The following UNC5C variants were observed in gnomAD, a reference collection of about 807,000 sequenced individuals.
The protein encoded by UNC5C is unc-5 netrin receptor C, also known as netrin receptor UNC5C.
UNC5C carries 47 observed loss-of-function variants against 99.8 expected under a neutral mutation model. The observed-to-expected ratio is 0.47, with a 90% CI of 0.37 to 0.60. The LOEUF is 0.60. Among genes scored for constraint, UNC5C ranks in the 20% least tolerant of loss-of-function variants. The pLI, the probability that UNC5C is intolerant of heterozygous loss-of-function variation, is 0.00. For synonymous variants in UNC5C, 487 were observed against 452.2 expected, an observed-to-expected ratio of 1.08 and a Z score of -0.98; for missense variants, 1,062 against 1,165.9, an observed-to-expected ratio of 0.91 and a Z score of 1.30.
chr4:95,354,479 A>ATATATATATTTTTTTTTTT lies in UNC5C; in HGVS notation c.125-18849_125-18848insAAAAAAAAAAATATATATA. ...TTACCTAACTCTTCCATATATATAT[A>ATATATATATTTTTTTTTTT]TTTTTTTTTTTTTTTTAAGAGACAG... On this transcript the variant is annotated intron_variant, in intron 1 of 15. Coordinates refer to ENST00000453304, the MANE Select transcript of UNC5C (RefSeq NM_003728.4). 3.7e-4 allele frequency among the ~76,000 whole-genome samples: 41 copies of ATATATATATTTTTTTTTTT among 110,332 alleles called. 1 individual carries two copies. Among genetic ancestry groups the ATATATATATTTTTTTTTTT allele is most frequent in the African/African-American group, 1.6e-3 (39 of 24,730 alleles). The allele number at this position is 110,332 out of a possible 152,430, so 72.4% of individuals were successfully genotyped here.
chr4:95,503,234 T>A (rs1167508049), intron 1 of UNC5C, among the ~76,000 whole-genome samples: 3 of 152,068 alleles, frequency 2.0e-5, no homozygotes, highest in Admixed American at 6.6e-5. Flanking sequence ...TTCTCTCTCA[T>A]GTCCTTTCTC....
chr4:95,215,558 A>T (rs1441189598), intron 10 of UNC5C, among the ~76,000 whole-genome samples: 3 of 152,010 alleles, frequency 2.0e-5, no homozygotes, highest in Admixed American at 6.6e-5. Context: ...CTTTTAATTC[A>T]ATCTAGTTTT....
intron 1 of UNC5C, among the ~76,000 whole-genome samples, chr4:95,350,279 A>C (rs1009029561): frequency 4.6e-5 from 7 of 152,036 alleles, no homozygotes; most frequent in African/African-American, 1.7e-4. Context: ...TGAAGTCAAG[A>C]GATCAAAACC....
In UNC5C at chr4:95,166,231, T is replaced by A. The variant is rs1735852556; in HGVS notation, c.*3003A>T. 1 of 152,236 alleles carries A rather than the reference T, an allele frequency of 6.6e-6. No individual in the cohort carries two copies. The highest frequency in any genetic ancestry group is 2.1e-4 in the South Asian group (1 of 4,836). 9.4% of individuals were successfully genotyped at this position (152,236 alleles called of 1,614,324 possible). A position where few individuals can be genotyped will look rare whatever the true frequency, so the allele number is the denominator to read the frequency against. On this transcript the variant is annotated 3_prime_UTR_variant, in exon 16 of 16. Transcript: ENST00000453304. ...GTATCACATAGAATGGTTGATGAAG[T>A]GGCTTCCTATGAAATGAACTGTTAT...
chr4:95,507,509 A>AAAT (rs1389716743), intron 1 of UNC5C, among the ~76,000 whole-genome samples: 1 of 151,876 alleles, frequency 6.6e-6, no homozygotes, highest in Non-Finnish European at 1.5e-5. Flanking sequence ...TTTCCTTTTT[A>AAAT]AAATATTAGT....
chr4:95,448,517 T>C (rs551985857), intron 1 of UNC5C, among the ~76,000 whole-genome samples: 19 of 152,122 alleles, frequency 1.2e-4, no homozygotes, highest in Non-Finnish European at 2.8e-4. Context: ...TGATGGCACA[T>C]AATGGATCGA....
chr4:95,192,743 C>T (rs1427948239), intron 12 of UNC5C, among the ~76,000 whole-genome samples: 2 of 152,058 alleles, frequency 1.3e-5, no homozygotes, highest in East Asian at 3.9e-4. Context: ...TCACCTCTTC[C>T]TCTGCTCACC....
intron 2 of UNC5C, among the ~76,000 whole-genome samples, chr4:95,328,088 A>C (rs1295278169): frequency 1.2e-5 from 1 of 84,388 alleles, no homozygotes; most frequent in Non-Finnish European, 2.4e-5. Context: ...ATTATACTTT[A>C]AGTTTTAGGG....
In UNC5C at chr4:95,377,530, C is replaced by T. The variant is rs529936362; in HGVS notation, c.125-41899G>A. 7.2e-5 allele frequency among the ~76,000 whole-genome samples: 11 copies of T among 152,320 alleles called. No individual in the cohort carries two copies. The South Asian group carries it at 2.3e-3, about 32-fold the overall frequency. On this transcript the variant is annotated intron_variant, in intron 1 of 15. Transcript: ENST00000453304. ...TGATCTTTTCTGAGACTGCTAATCC[C>T]ACCTTCTCCTAGCCTATTTTGCTGA...
At chr4:95,547,536 A>C (rs1417728839) in intron 1 of UNC5C, among the ~76,000 whole-genome samples, 1 of 152,180 alleles carries the variant, frequency 6.6e-6, no homozygotes, top group Admixed American at 6.5e-5. Context: ...CCGAGAGTGA[A>C]GGGAGAATCC....
chr4:95,460,773 C>G (rs1163001459), intron 1 of UNC5C, among the ~76,000 whole-genome samples: 1 of 152,182 alleles, frequency 6.6e-6, no homozygotes, highest in Non-Finnish European at 1.5e-5. Flanking sequence ...TTAATTATGT[C>G]TACAAAATCC....
At chr4:95,349,621 C>A (rs954544643) in intron 1 of UNC5C, among the ~76,000 whole-genome samples, 1 of 151,642 alleles carries the variant, frequency 6.6e-6, no homozygotes, top group Non-Finnish European at 1.5e-5. Flanking sequence ...CCACATGCAA[C>A]CTATTACTTC....
At chr4:95,456,614 C>T (rs1747434022) in intron 1 of UNC5C, among the ~76,000 whole-genome samples, 1 of 151,938 alleles carries the variant, frequency 6.6e-6, no homozygotes, top group Admixed American at 6.6e-5. Context: ...TGAAGCCAGA[C>T]ATATTAAGGA....
intron 1 of UNC5C, among the ~76,000 whole-genome samples, chr4:95,546,389 C>A (rs1723068838): frequency 6.6e-6 from 1 of 152,206 alleles, no homozygotes; most frequent in African/African-American, 2.4e-5. Flanking sequence ...TACTGTACTG[C>A]AGTGATGAAG....
At chr4:95,216,010 T>G (rs890036346) in intron 10 of UNC5C, 114 bp downstream of exon 10, 1 of 735,368 alleles carries the variant, frequency 1.4e-6, no homozygotes, top group African/African-American at 1.8e-5. Flanking sequence ...AAAGAATGTA[T>G]GCCAGAAGCA....
At chr4:95,385,132 T>C (rs1202331339) in intron 1 of UNC5C, among the ~76,000 whole-genome samples, 1 of 152,150 alleles carries the variant, frequency 6.6e-6, no homozygotes, top group Non-Finnish European at 1.5e-5. Context: ...GTTCATATTA[T>C]CCATTCACAG....
At chr4:95,439,834 A>G (rs1429167467) in intron 1 of UNC5C, among the ~76,000 whole-genome samples, 2 of 152,160 alleles carry the variant, frequency 1.3e-5, no homozygotes, top group African/African-American at 4.8e-5. Flanking sequence ...CACAGGCACT[A>G]AGAAATTGAA....
At chr4:95,514,269 A>G (rs996410772) in intron 1 of UNC5C, among the ~76,000 whole-genome samples, 3 of 152,206 alleles carry the variant, frequency 2.0e-5, no homozygotes, top group African/African-American at 7.2e-5. Context: ...TTAAATGTCT[A>G]TATTCAGTTT....
At chr4:95,443,600 T>C (rs1451698562) in intron 1 of UNC5C, among the ~76,000 whole-genome samples, 2 of 152,214 alleles carry the variant, frequency 1.3e-5, no homozygotes, top group Non-Finnish European at 2.9e-5. Context: ...TGGAACTCAC[T>C]GAAAATTTGA....
Sources: gnomAD v4.1 joint callset for allele counts (sites outside exome capture counted in the v4.1 genomes callset) on GRCh38, gnomAD v4.1.1 for gene constraint, MANE v1.5 for transcripts, NCBI Gene and HGNC (gene_info 2026-07-23, HGNC 2026-07-21) for gene names.